The following SCN3A variants were observed in gnomAD, a reference collection of about 807,000 sequenced individuals.
SCN3A encodes sodium voltage-gated channel alpha subunit 3.
SCN3A carries 60 observed loss-of-function variants against 187.6 expected under a neutral mutation model. The ratio of observed to expected loss-of-function variants is 0.32; its 90% CI spans 0.26 to 0.40. The LOEUF (loss-of-function observed/expected upper bound fraction) is 0.40. Among genes scored for constraint, SCN3A ranks in the 10% least tolerant of loss-of-function variants. The pLI, the probability that SCN3A is intolerant of heterozygous loss-of-function variation, is 1.00. For synonymous variants in SCN3A, 788 were observed against 829.2 expected, an observed-to-expected ratio of 0.95 and a Z score of 0.85; for missense variants, 1,601 against 2,428.2, an observed-to-expected ratio of 0.66 and a Z score of 7.16.
intron 15 of SCN3A, among the ~76,000 whole-genome samples, chr2:165,133,912 T>A (rs1316967739): frequency 1.3e-5 from 2 of 152,138 alleles, no homozygotes; most frequent in Admixed American, 6.6e-5. Flanking sequence ...AAAAATTGAT[T>A]TCGTAAAAAC....
chr2:165,130,278 C>G lies in SCN3A; in HGVS notation c.2584G>C (p.Ala862Pro). The G allele has an allele frequency of 6.2e-7, 1 of 1,614,068 alleles. No homozygotes were observed. Reference protein sequence around the residue: ...SFRLLRVFKLAKSWPTLNMLI... With the variant: ...SFRLLRVFKLPKSWPTLNMLI... Reference sequence around the variant, plus strand: ...ATATTTAGTGTGGGCCAGGATTTTGCCAACTTGAAAACTCTAAGCTGTAAT... The same window carrying G: ...ATATTTAGTGTGGGCCAGGATTTTGGCAACTTGAAAACTCTAAGCTGTAAT... Residue 862 changes from alanine to proline, a missense_variant, in exon 17 of 28, where the codon GCA (alanine) becomes CCA (proline). Ala to Pro is a conservative substitution (Grantham distance 27). Coordinates refer to ENST00000283254, the MANE Select transcript of SCN3A (RefSeq NM_006922.4).
At position 165,162,787 on chromosome 2, in the gene SCN3A, T is replaced by G; in HGVS notation, c.736A>C (p.Lys246Gln). Residue 246 changes from lysine to glutamine, a missense_variant, in exon 8 of 28, where the codon AAG (lysine) becomes CAG (glutamine). This residue lies in a region of SCN3A where 122 missense variants were observed against 225.1 expected (regional missense o/e 0.54). Coordinates refer to ENST00000283254, the MANE Select transcript of SCN3A (RefSeq NM_006922.4). Reference protein sequence around the residue: ...IVGALIQSVKKLSDVMILTVF... With the variant: ...IVGALIQSVKQLSDVMILTVF... The stretch of plus-strand genomic sequence containing the variant: ...GTCAGGATCATCACATCAGAAAGCT[T>G]CTTTACCGACTGGATCAGGGCCCCC... 1 of 1,614,080 alleles carries G rather than the reference T, an allele frequency of 6.2e-7. No individual in the cohort carries two copies. Among genetic ancestry groups the G allele is most frequent in the Non-Finnish European group, 8.5e-7 (1 of 1,179,984 alleles).
intron 1 of SCN3A, among the ~76,000 whole-genome samples, chr2:165,191,407 A>G (rs1035385744): frequency 1.3e-5 from 2 of 151,990 alleles, no homozygotes; most frequent in South Asian, 2.1e-4. Flanking sequence ...AATCCTTACA[A>G]TTGCCTAAAA....
At chr2:165,173,311 C>T (rs1690233497) in intron 3 of SCN3A, among the ~76,000 whole-genome samples, 1 of 152,122 alleles carries the variant, frequency 6.6e-6, no homozygotes, top group Admixed American at 6.6e-5. Context: ...AGCTCTGGCT[C>T]TGGAGTCGAA....
chr2:165,187,189 G>C (rs1691296998), intron 1 of SCN3A, among the ~76,000 whole-genome samples: 2 of 152,110 alleles, frequency 1.3e-5, no homozygotes, highest in African/African-American at 2.4e-5. Flanking sequence ...TCATTTTCTA[G>C]TTCCTTCTCC....
At chr2:165,138,933 C>A (rs932791056) in intron 14 of SCN3A, among the ~76,000 whole-genome samples, 2 of 152,092 alleles carry the variant, frequency 1.3e-5, no homozygotes, top group Admixed American at 6.6e-5. Flanking sequence ...CTGCCTATTC[C>A]TCTGTGTCAA....
At chr2:165,132,073 G>A (rs962533423) in intron 15 of SCN3A, among the ~76,000 whole-genome samples, 41 of 152,152 alleles carry the variant, frequency 2.7e-4, no homozygotes, top group African/African-American at 9.2e-4. Flanking sequence ...CAACTTACAA[G>A]GGACGTGAAG....
chr2:165,137,997 A>C lies in SCN3A; in HGVS notation c.2273T>G (p.Met758Arg). Reference sequence around the variant, plus strand: ...GATGGCAAGATCAACAAATGGATCCATAACAATTAAATTCACAAGATGTTT... The same window carrying C: ...GATGGCAAGATCAACAAATGGATCCCTAACAATTAAATTCACAAGATGTTT... ...KVKHLVNLIV[M>R]DPFVDLAITI... Residue 758 changes from methionine to arginine, a missense_variant, in exon 15 of 28, where the codon ATG becomes AGG. Met to Arg is a moderately conservative substitution (Grantham distance 91). Transcript: ENST00000283254. 1 of 1,613,614 alleles carries C rather than the reference A, an allele frequency of 6.2e-7. No homozygotes were observed. The highest frequency in any genetic ancestry group is 1.1e-5 in the South Asian group (1 of 91,080).
intron 1 of SCN3A, among the ~76,000 whole-genome samples, chr2:165,190,445 A>G (rs546222588): frequency 1.0e-3 from 153 of 150,970 alleles, no homozygotes; most frequent in African/African-American, 3.6e-3. Flanking sequence ...CAGATGTATC[A>G]CATACATTTT....
rs139112716 is a variant in SCN3A at position 165,162,423 on chromosome 2, T to C, written c.968-52A>G. ...TATTTCATATTAATCCTATTCACATTAGTATTAGTAATAAATCAGAGTTGG... is the reference window on the plus strand; with the variant it reads ...TATTTCATATTAATCCTATTCACATCAGTATTAGTAATAAATCAGAGTTGG... On this transcript the variant is annotated intron_variant, in intron 8 of 27. Coordinates refer to ENST00000283254, the MANE Select transcript of SCN3A (RefSeq NM_006922.4). The C allele has an allele frequency of 2.9e-3, 4,602 of 1,597,586 alleles. 209 individuals are homozygous for C. The Admixed American group carries it at 0.071, about 25-fold the overall frequency.
intron 15 of SCN3A, among the ~76,000 whole-genome samples, chr2:165,133,025 GA>G: frequency 6.6e-6 from 1 of 152,216 alleles, no homozygotes; most frequent in Admixed American, 6.5e-5. Flanking sequence ...AAAAACACAT[GA>G]AAAAATGCTC....
intron 21 of SCN3A, among the ~76,000 whole-genome samples, chr2:165,109,327 T>G (rs1405214669): frequency 1.3e-5 from 2 of 152,148 alleles, no homozygotes; most frequent in African/African-American, 4.8e-5. Context: ...AACCTTAAAT[T>G]TATATACATA....
Position 165,172,651 on chromosome 2 carries a change from G to C in SCN3A, c.265-2103C>G, listed in dbSNP as rs181268807. On this transcript the variant is annotated intron_variant, in intron 3 of 27. Transcript: ENST00000283254. ...AATTTCTGCTTGCGACATTAGGAGAGAGTTTCATTTTGAACTATCTCCAAA... is the reference window on the plus strand; with the variant it reads ...AATTTCTGCTTGCGACATTAGGAGACAGTTTCATTTTGAACTATCTCCAAA... Among the ~76,000 whole-genome samples the C allele has an allele frequency of 2.0e-4, 31 of 152,224 alleles. No individual in the cohort carries two copies. In the East Asian group the frequency reaches 5.4e-3, roughly 27 times the overall value.
At chr2:165,114,094 T>C (rs1574131817) in intron 19 of SCN3A, 124 bp from the exon 20 acceptor site, 2 of 602,804 alleles carry the variant, frequency 3.3e-6, no homozygotes, top group East Asian at 5.6e-5. Context: ...ATCTCCTTCA[T>C]TTCCTAGTTA....
chr2:165,197,891 G>A (rs758812701), intron 1 of SCN3A, among the ~76,000 whole-genome samples: 24 of 151,754 alleles, frequency 1.6e-4, no homozygotes, highest in Non-Finnish European at 2.9e-4. Context: ...TGTCAAAAAC[G>A]GATATTAAGG....
At chr2:165,095,135 A>G (rs963172611) in intron 25 of SCN3A, among the ~76,000 whole-genome samples, 2 of 152,200 alleles carry the variant, frequency 1.3e-5, no homozygotes, top group African/African-American at 4.8e-5. Context: ...GAAAGCTCAT[A>G]TAGATGTATG....
chr2:165,143,332 C>T (rs996298853), intron 12 of SCN3A, among the ~76,000 whole-genome samples: 14 of 152,042 alleles, frequency 9.2e-5, no homozygotes, highest in Middle Eastern at 3.2e-3. Flanking sequence ...AACTGAAAAT[C>T]GGTCTACACA....
At chr2:165,137,124 G>C (rs371467700) in intron 15 of SCN3A, among the ~76,000 whole-genome samples, 11 of 152,290 alleles carry the variant, frequency 7.2e-5, no homozygotes, top group Middle Eastern at 3.4e-3. Flanking sequence ...AAATGATGCA[G>C]TGAACTTGTG....
At chr2:165,175,590 G>A (rs968286429) in intron 3 of SCN3A, among the ~76,000 whole-genome samples, 6 of 151,934 alleles carry the variant, frequency 3.9e-5, no homozygotes, top group African/African-American at 1.5e-4. Flanking sequence ...AAGGTTAAGA[G>A]AAGATCCTAA....
Sources: gnomAD v4.1 joint callset for allele counts (sites outside exome capture counted in the v4.1 genomes callset) on GRCh38, gnomAD v4.1.1 for gene constraint, gnomAD v4.1.1 regional missense constraint, MANE v1.5 for transcripts, NCBI Gene and HGNC (gene_info 2026-07-23, HGNC 2026-07-21) for gene names.